DYNC1I1: variants seen among roughly 807,000 people sequenced by gnomAD.
The protein encoded by DYNC1I1 is cytoplasmic dynein 1 intermediate chain 1.
Under a neutral mutation model 86.6 loss-of-function variants are expected in DYNC1I1, and 43 were observed. The ratio of observed to expected loss-of-function variants is 0.50; its 90% CI spans 0.39 to 0.64. The LOEUF (loss-of-function observed/expected upper bound fraction) is 0.64, where lower values mean the gene tolerates loss of function less well. Among genes scored for constraint, DYNC1I1 ranks in the 30% least tolerant of loss-of-function variants. DYNC1I1 has a pLI of 0.00. For missense variants in DYNC1I1, 604 were observed against 788.8 expected, an observed-to-expected ratio of 0.77 and a Z score of 2.81; for synonymous variants, 262 against 283.7, an observed-to-expected ratio of 0.92 and a Z score of 0.77.
chr7:96,106,214 C>G (rs939748668), intron 16 of DYNC1I1, among the ~76,000 whole-genome samples: 2 of 151,226 alleles, frequency 1.3e-5, no homozygotes, highest in African/African-American at 4.9e-5. Context: ...ACACTTTTTT[C>G]TAATATAGGC....
In DYNC1I1 at chr7:96,022,505, G is replaced by A. The variant is rs150225984; in HGVS notation, c.970-5670G>A. ...TTTTGATTGATGTTTACTCCTCTTA[G>A]AATTTAGAAGAATAGCCTGTGCACC... On this transcript the variant is annotated intron_variant, in intron 10 of 16. Coordinates refer to ENST00000447467, the MANE Select transcript of DYNC1I1 (RefSeq NM_001135556.2). 2.2e-4 allele frequency among the ~76,000 whole-genome samples: 34 copies of A among 152,174 alleles called. No individual in the cohort carries two copies. In the East Asian group the frequency reaches 6.2e-3, roughly 28 times the overall value.
At chr7:95,857,809 A>G (rs909341099) in intron 5 of DYNC1I1, among the ~76,000 whole-genome samples, 2 of 152,228 alleles carry the variant, frequency 1.3e-5, no homozygotes, top group African/African-American at 4.8e-5. Context: ...CTGTCTTCAC[A>G]TCAGCACCTG....
intron 1 of DYNC1I1, among the ~76,000 whole-genome samples, chr7:95,801,498 G>A (rs187514991): frequency 1.2e-3 from 189 of 152,222 alleles, no homozygotes; most frequent in Non-Finnish European, 1.4e-3. Context: ...GAAGTTGCAC[G>A]AGACAGTTTT....
intron 11 of DYNC1I1, among the ~76,000 whole-genome samples, chr7:96,028,585 T>C (rs779487919): frequency 2.6e-5 from 4 of 152,144 alleles, no homozygotes; most frequent in Non-Finnish European, 4.4e-5. Context: ...AAGAGAAACC[T>C]TGGAAGAGGC....
intron 9 of DYNC1I1, among the ~76,000 whole-genome samples, chr7:95,994,309 G>T (rs1362165421): frequency 6.6e-6 from 1 of 152,116 alleles, no homozygotes; most frequent in Non-Finnish European, 1.5e-5. Context: ...GCTTGCAATC[G>T]AGTGAAAGAC....
chr7:95,970,729 C>T (rs961949072), intron 6 of DYNC1I1, among the ~76,000 whole-genome samples: 1 of 152,040 alleles, frequency 6.6e-6, no homozygotes, highest in Non-Finnish European at 1.5e-5. Context: ...CTGTACTTAA[C>T]GTTGATAATA....
At chr7:95,804,148 C>T (rs1029955434) in intron 1 of DYNC1I1, 2 of 193,388 alleles carry the variant, frequency 1.0e-5, no homozygotes, top group South Asian at 8.9e-5. Flanking sequence ...GGAGTTTTAC[C>T]GAGAAAGAAG....
intron 6 of DYNC1I1, among the ~76,000 whole-genome samples, chr7:95,896,775 C>T (rs1053084216): frequency 1.2e-4 from 18 of 152,146 alleles, no homozygotes; most frequent in Non-Finnish European, 1.9e-4. Flanking sequence ...CTCCAGGAGC[C>T]TAGAATGTCA....
intron 6 of DYNC1I1, among the ~76,000 whole-genome samples, chr7:95,917,555 A>G (rs1156465226): frequency 6.6e-6 from 1 of 152,222 alleles, no homozygotes; most frequent in Admixed American, 6.5e-5. Context: ...GTATATTTAC[A>G]GAACCCCATC....
At chr7:95,864,797 G>A (rs544623899) in intron 5 of DYNC1I1, among the ~76,000 whole-genome samples, 25 of 152,090 alleles carry the variant, frequency 1.6e-4, no homozygotes, top group African/African-American at 3.4e-4. Context: ...GTTCAAAGAC[G>A]TCTGCCCATT....
rs1794765091 is a variant in DYNC1I1, at chr7:96,029,825, C to T, written c.1116+1504C>T. On this transcript the variant is annotated intron_variant, in intron 11 of 16. Coordinates refer to ENST00000447467, the MANE Select transcript of DYNC1I1 (RefSeq NM_001135556.2). ...TCTTGGGAGGCTAAGGCATAAGAAT[C>T]GCTTGAAACCAGGAGGCAGAGGTAG... 2.0e-5 allele frequency among the ~76,000 whole-genome samples: 3 copies of T among 151,350 alleles called. No homozygotes were observed. The South Asian group carries it at 6.2e-4, about 31-fold the overall frequency.
At chr7:95,895,888 C>A (rs767764593) in intron 6 of DYNC1I1, among the ~76,000 whole-genome samples, 5 of 152,176 alleles carry the variant, frequency 3.3e-5, no homozygotes, top group Non-Finnish European at 5.9e-5. Flanking sequence ...TACCTTAGGG[C>A]TGAGTGAAAG....
At chr7:96,068,506 G>A (rs1022774282) in intron 14 of DYNC1I1, among the ~76,000 whole-genome samples, 6 of 151,756 alleles carry the variant, frequency 4.0e-5, no homozygotes, top group Admixed American at 1.3e-4. Flanking sequence ...AATTGTTGAC[G>A]CAAGAGGTAG....
rs1020785677 is a variant in DYNC1I1, at chr7:95,804,660, G to T, written c.-9-61G>T. ...TTGCATTTTCTTTAAAATGATTTTTGCAATGATATACAGAAAAGTTATTTA... is the reference window on the plus strand; with the variant it reads ...TTGCATTTTCTTTAAAATGATTTTTTCAATGATATACAGAAAAGTTATTTA... On this transcript the variant is annotated intron_variant, in intron 1 of 16. Coordinates refer to ENST00000447467, the MANE Select transcript of DYNC1I1 (RefSeq NM_001135556.2). 1.3e-5 allele frequency: 18 copies of T among 1,437,402 alleles called. No homozygotes were observed. In the South Asian group the frequency reaches 2.3e-4, roughly 18 times the overall value. The allele number at this position is 1,437,402 out of a possible 1,614,324, so 89.0% of individuals were successfully genotyped here.
intron 14 of DYNC1I1, among the ~76,000 whole-genome samples, chr7:96,045,853 A>C (rs1360825826): frequency 6.6e-6 from 1 of 152,162 alleles, no homozygotes; most frequent in Non-Finnish European, 1.5e-5. Flanking sequence ...GTACTAATAG[A>C]GATTTCTAGA....
At chr7:95,940,497 C>A (rs985328190) in intron 6 of DYNC1I1, among the ~76,000 whole-genome samples, 1 of 152,132 alleles carries the variant, frequency 6.6e-6, no homozygotes, top group Non-Finnish European at 1.5e-5. Context: ...TTGTTCGTTT[C>A]TTTTTATTCT....
At chr7:95,866,824 C>G (rs181503155) in intron 5 of DYNC1I1, among the ~76,000 whole-genome samples, 19 of 152,306 alleles carry the variant, frequency 1.2e-4, no homozygotes, top group Non-Finnish European at 2.4e-4. Context: ...GAACCACAAG[C>G]TTATCAGTGT....
chr7:95,800,789 C>A (rs1178705314), intron 1 of DYNC1I1, among the ~76,000 whole-genome samples: 1 of 152,300 alleles, frequency 6.6e-6, no homozygotes, highest in Non-Finnish European at 1.5e-5. Context: ...CAGCAGGTAG[C>A]TTTGACTCTT....
intron 5 of DYNC1I1, among the ~76,000 whole-genome samples, chr7:95,860,830 G>A (rs1406835996): frequency 1.3e-5 from 2 of 152,118 alleles, no homozygotes; most frequent in Admixed American, 1.3e-4. Flanking sequence ...AAATTCCTAA[G>A]CTAGTTTCTT....
Sources: gnomAD v4.1 joint callset for allele counts (sites outside exome capture counted in the v4.1 genomes callset) on GRCh38, gnomAD v4.1.1 for gene constraint, MANE v1.5 for transcripts, NCBI Gene and HGNC (gene_info 2026-07-23, HGNC 2026-07-21) for gene names.